The following CHD9 variants were observed in gnomAD, a reference collection of about 807,000 sequenced individuals.
CHD9 encodes the protein chromodomain helicase DNA binding protein 9.
CHD9 carries 77 observed loss-of-function variants against 316.1 expected under a neutral mutation model. The observed-to-expected ratio is 0.24, with a 90% CI of 0.20 to 0.29. The LOEUF is 0.29. Among genes scored for constraint, CHD9 ranks in the 10% least tolerant of loss-of-function variants. The probability of loss-of-function intolerance (pLI) is 1.00; values close to 1 mark genes in which losing one functional copy is unlikely to be tolerated. For synonymous variants in CHD9, 1,129 were observed against 1,158.3 expected, an observed-to-expected ratio of 0.97 and a Z score of 0.51; for missense variants, 2,763 against 3,438.1, an observed-to-expected ratio of 0.80 and a Z score of 4.91.
At chr16:53,260,618 C>T (rs1038344304) in intron 19 of CHD9, among the ~76,000 whole-genome samples, 1 of 152,120 alleles carries the variant, frequency 6.6e-6, no homozygotes, top group Admixed American at 6.5e-5. Flanking sequence ...AACTTTTTCT[C>T]TTATAGTTCT....
At chr16:53,191,319 G>A (rs918642328) in intron 2 of CHD9, among the ~76,000 whole-genome samples, 4 of 151,808 alleles carry the variant, frequency 2.6e-5, no homozygotes, top group Non-Finnish European at 5.9e-5. Context: ...TTTACACACA[G>A]TCAAAAGTCA....
chr16:53,251,388 C>T (rs1160197641), intron 17 of CHD9, among the ~76,000 whole-genome samples: 1 of 152,132 alleles, frequency 6.6e-6, no homozygotes, highest in Non-Finnish European at 1.5e-5. Flanking sequence ...TCCTGAATCT[C>T]CCAATTTCTC....
At chr16:53,174,483 G>A (rs1023232357) in intron 2 of CHD9, among the ~76,000 whole-genome samples, 15 of 152,008 alleles carry the variant, frequency 9.9e-5, no homozygotes, top group African/African-American at 2.7e-4. Flanking sequence ...GCTTCTATTA[G>A]TGGCTTTGCA....
At chr16:53,062,901 A>C (rs758037255) in intron 1 of CHD9, among the ~76,000 whole-genome samples, 17 of 152,102 alleles carry the variant, frequency 1.1e-4, no homozygotes, top group Non-Finnish European at 2.5e-4. Context: ...ACATGCCTGT[A>C]ATCCCAGATA....
chr16:53,170,578 CGTGT>C (rs10593955), intron 2 of CHD9, among the ~76,000 whole-genome samples: 8,310 of 139,984 alleles, frequency 0.059, 263 homozygotes, highest in East Asian at 0.092. Flanking sequence ...TTTGTAATTT[CGTGT>C]GTGTGTGTGT....
At chr16:53,101,316 C>T (rs1351881769) in intron 1 of CHD9, among the ~76,000 whole-genome samples, 1 of 148,418 alleles carries the variant, frequency 6.7e-6, no homozygotes, top group East Asian at 2.0e-4. Flanking sequence ...ACTCTTTTAC[C>T]CAAGCTGGAG....
At chr16:53,090,247 T>C (rs977680294) in intron 1 of CHD9, among the ~76,000 whole-genome samples, 2 of 152,118 alleles carry the variant, frequency 1.3e-5, no homozygotes, top group African/African-American at 2.4e-5. Context: ...AAAGCTAGCA[T>C]GGAGGTTGCA....
In CHD9 at chr16:53,256,811, A is replaced by G. The variant is rs571219890; in HGVS notation, c.4209+1032A>G. ...CCTTTCTACATTTCCCTTCTTCCCC[A>G]TTCCCCTCTCTGCTTTCAATCCAGA... On this transcript the variant is annotated intron_variant, in intron 19 of 38. Coordinates refer to ENST00000447540, the MANE Select transcript of CHD9 (RefSeq NM_001308319.2). Among the ~76,000 whole-genome samples, 7 of 151,836 alleles carry G rather than the reference A, an allele frequency of 4.6e-5. No homozygotes were observed. The East Asian group carries it at 9.7e-4, about 21-fold the overall frequency.
rs2031875960 is a variant in CHD9, at chr16:53,055,051, G to A, written c.-191G>A. The stretch of plus-strand genomic sequence containing the variant: ...CGAACCTGAGTCCCAGGATTCCGGG[G>A]ACTGGAGGGCAGCGCCGGCAGCCAA... On this transcript the variant is annotated 5_prime_UTR_variant, in exon 1 of 39. Transcript: ENST00000447540. 1 of 152,316 alleles carries A rather than the reference G, an allele frequency of 6.6e-6. No homozygotes were observed. The highest frequency in any genetic ancestry group is 1.9e-4 in the East Asian group (1 of 5,192). The allele number at this position is 152,316 out of a possible 1,614,324, so 9.4% of individuals were successfully genotyped here. A position where few individuals can be genotyped will look rare whatever the true frequency, so the allele number is the denominator to read the frequency against.
chr16:53,316,169 C>A (rs1338506795), intron 36 of CHD9, among the ~76,000 whole-genome samples: 2 of 152,148 alleles, frequency 1.3e-5, no homozygotes, highest in African/African-American at 4.8e-5. Flanking sequence ...CTGCCTCAGC[C>A]TCCCAAAGTG....
intron 2 of CHD9, among the ~76,000 whole-genome samples, chr16:53,189,253 A>G (rs1016566674): frequency 6.6e-6 from 1 of 152,086 alleles, no homozygotes; most frequent in African/African-American, 2.4e-5. Context: ...CTTAGGGAAA[A>G]GCATTCAGTC....
intron 2 of CHD9, among the ~76,000 whole-genome samples, chr16:53,194,253 C>T (rs1211451816): frequency 6.6e-6 from 1 of 151,074 alleles, no homozygotes; most frequent in Non-Finnish European, 1.5e-5. Flanking sequence ...TCTAAAAAAA[C>T]TGAACTTAGT....
rs1371015083 is a variant in CHD9 at position 53,326,932 on chromosome 16, ATT to A, written c.*2039_*2040del. 3 of 152,292 alleles carry A rather than the reference ATT, an allele frequency of 2.0e-5. No individual in the cohort carries two copies. Among genetic ancestry groups the A allele is most frequent in the Admixed American group, 2.0e-4 (3 of 15,244 alleles). 9.4% of individuals were successfully genotyped at this position (152,292 alleles called of 1,614,324 possible). A position where few individuals can be genotyped will look rare whatever the true frequency, so the allele number is the denominator to read the frequency against. On this transcript the variant is annotated 3_prime_UTR_variant, in exon 39 of 39. Transcript: ENST00000447540. ...GTCACTAAAATCTAATTTATATCAA[ATT>A]TATGAGAGAAAGTATTTTCCTAATT...
At position 53,183,754 on chromosome 16, in the gene CHD9, A is replaced by AAATACAATAC. The variant is rs147690581; in HGVS notation, c.1453-25709_1453-25700dup. On this transcript the variant is annotated intron_variant, in intron 2 of 38. Transcript: ENST00000447540. ...CATAGCAAGACCCTGTCTGTACAAA[A>AAATACAATAC]AATACAATACAATACAATACAATAC... 2.7e-3 allele frequency among the ~76,000 whole-genome samples: 403 copies of AAATACAATAC among 151,268 alleles called. 2 individuals carry two copies. The highest frequency in any genetic ancestry group is 7.7e-3 in the African/African-American group (320 of 41,310).
intron 2 of CHD9, among the ~76,000 whole-genome samples, chr16:53,173,868 G>T (rs1258185997): frequency 6.6e-6 from 1 of 151,910 alleles, no homozygotes; most frequent in Non-Finnish European, 1.5e-5. Context: ...TTTTAATGTG[G>T]AAGCTAACAA....
At chr16:53,284,283 A>C (rs2053663901) in intron 24 of CHD9, among the ~76,000 whole-genome samples, 1 of 151,990 alleles carries the variant, frequency 6.6e-6, no homozygotes, top group Non-Finnish European at 1.5e-5. Context: ...TCAGCTATTC[A>C]ACTTTTTGTA....
chr16:53,124,986 T>C (rs560060467), intron 1 of CHD9, among the ~76,000 whole-genome samples: 2 of 152,276 alleles, frequency 1.3e-5, no homozygotes, highest in African/African-American at 4.8e-5. Flanking sequence ...TGGTATCTCA[T>C]TGTGGTTTTG....
chr16:53,163,910 A>G (rs939012517), intron 2 of CHD9, among the ~76,000 whole-genome samples: 3 of 152,226 alleles, frequency 2.0e-5, no homozygotes, highest in Non-Finnish European at 2.9e-5. Context: ...TTGATCCATC[A>G]CAACCATCCT....
intron 1 of CHD9, among the ~76,000 whole-genome samples, chr16:53,111,337 T>A (rs1282270757): frequency 6.6e-6 from 1 of 152,186 alleles, no homozygotes; most frequent in East Asian, 1.9e-4. Context: ...TTCCATTTTC[T>A]CTTTGGGGTT....
Sources: allele counts gnomAD v4.1 joint callset (sites outside exome capture counted in the v4.1 genomes callset), GRCh38; gene constraint gnomAD v4.1.1; transcripts MANE v1.5; gene names NCBI Gene and HGNC (gene_info 2026-07-23, HGNC 2026-07-21).